SCN8A: variants seen among roughly 807,000 people sequenced by gnomAD.
SCN8A encodes the protein sodium channel protein type 8 subunit alpha.
Under a neutral mutation model 184.1 loss-of-function variants are expected in SCN8A, and 30 were observed. The ratio of observed to expected loss-of-function variants is 0.16; its 90% CI spans 0.12 to 0.22. The LOEUF is 0.22. Ranked by LOEUF, SCN8A falls within the 10% of genes least tolerant of loss-of-function variation. SCN8A has a pLI of 1.00. For synonymous variants in SCN8A, 852 were observed against 907.0 expected, an observed-to-expected ratio of 0.94 and a Z score of 1.09; for missense variants, 1,057 against 2,498.9, an observed-to-expected ratio of 0.42 and a Z score of 12.30.
chr12:51,796,095 C>T (rs1592168238), intron 26 of SCN8A, among the ~76,000 whole-genome samples: 1 of 151,964 alleles, frequency 6.6e-6, no homozygotes, highest in Non-Finnish European at 1.5e-5. Context: ...CTTTATTAGA[C>T]CAGTTTCCTT....
chr12:51,607,340 G>A (rs907062208), intron 1 of SCN8A, among the ~76,000 whole-genome samples: 1 of 152,182 alleles, frequency 6.6e-6, no homozygotes, highest in African/African-American at 2.4e-5. Flanking sequence ...AGTCTTTAGG[G>A]TTTTCAAGGT....
chr12:51,693,941 A>G (rs528563074), intron 6 of SCN8A, among the ~76,000 whole-genome samples: 5 of 152,284 alleles, frequency 3.3e-5, no homozygotes, highest in African/African-American at 1.2e-4. Context: ...TTATACATAT[A>G]TATTTTTTGA....
At chr12:51,752,127 A>G (rs1255013408) in intron 14 of SCN8A, among the ~76,000 whole-genome samples, 5 of 152,172 alleles carry the variant, frequency 3.3e-5, no homozygotes, top group Admixed American at 3.3e-4. Context: ...CTAGGCCATT[A>G]AAGTATGTAG....
chr12:51,711,252 C>G (rs1941870874), intron 11 of SCN8A, among the ~76,000 whole-genome samples: 1 of 152,190 alleles, frequency 6.6e-6, no homozygotes, highest in African/African-American at 2.4e-5. Context: ...ACACTGATTG[C>G]TCCTTAACTC....
intron 1 of SCN8A, among the ~76,000 whole-genome samples, chr12:51,625,614 A>G (rs988318673): frequency 5.3e-5 from 8 of 152,072 alleles, no homozygotes; most frequent in Non-Finnish European, 1.0e-4. Context: ...GAGTTTAATC[A>G]CCCCTCCCCC....
chr12:51,656,627 C>T (rs997870973), intron 1 of SCN8A, among the ~76,000 whole-genome samples: 2 of 152,094 alleles, frequency 1.3e-5, no homozygotes, highest in Non-Finnish European at 2.9e-5. Flanking sequence ...TGAGCAAAGA[C>T]TTAAATCAGC....
At chr12:51,724,713 A>G (rs981926828) in intron 12 of SCN8A, among the ~76,000 whole-genome samples, 1 of 152,228 alleles carries the variant, frequency 6.6e-6, no homozygotes, top group African/African-American at 2.4e-5. Flanking sequence ...TTGAATTTTG[A>G]TATACTGGCA....
chr12:51,728,730 C>T (rs980896167), intron 12 of SCN8A, among the ~76,000 whole-genome samples: 1 of 46,726 alleles, frequency 2.1e-5, no homozygotes, highest in African/African-American at 5.1e-5. Flanking sequence ...ACCCTGTTTC[C>T]CAAAAAAAAA....
intron 1 of SCN8A, among the ~76,000 whole-genome samples, chr12:51,641,003 TAATAC>T (rs1940440155): frequency 6.6e-6 from 1 of 152,224 alleles, no homozygotes; most frequent in African/African-American, 2.4e-5. Flanking sequence ...TAAGTTTTGT[TAATAC>T]AATACAAGTG....
At chr12:51,706,318 C>T (rs1377965002) in intron 10 of SCN8A, 104 bp from the exon 11 acceptor site, 3 of 1,155,512 alleles carry the variant, frequency 2.6e-6, no homozygotes, top group South Asian at 2.4e-5. Context: ...TCCTTTTTTC[C>T]TCCTTTCCCT....
chr12:51,679,619 G>T (rs1941290702), intron 2 of SCN8A, among the ~76,000 whole-genome samples: 1 of 151,660 alleles, frequency 6.6e-6, no homozygotes, highest in Admixed American at 6.6e-5. Flanking sequence ...CTGGTGCCGG[G>T]TATATTACTT....
intron 1 of SCN8A, among the ~76,000 whole-genome samples, chr12:51,594,323 C>T (rs907560249): frequency 2.6e-5 from 4 of 152,076 alleles, no homozygotes; most frequent in East Asian, 1.9e-4. Flanking sequence ...GGAGCTATAT[C>T]GGGGTAAATG....
At chr12:51,663,217 C>G in intron 2 of SCN8A, 124 bp downstream of exon 2, 12 of 1,164,210 alleles carry the variant, frequency 1.0e-5, no homozygotes, top group Non-Finnish European at 1.5e-5. Context: ...TGTTTCAGTT[C>G]TGGCTTGTGG....
At chr12:51,736,957 A>G (rs1005750643) in intron 12 of SCN8A, among the ~76,000 whole-genome samples, 1 of 152,246 alleles carries the variant, frequency 6.6e-6, no homozygotes, top group African/African-American at 2.4e-5. Flanking sequence ...ATCTGTAAAA[A>G]CATTCTCAAC....
chr12:51,648,161 C>G (rs1235407239), intron 1 of SCN8A, among the ~76,000 whole-genome samples: 2 of 152,070 alleles, frequency 1.3e-5, no homozygotes, highest in Non-Finnish European at 2.9e-5. Flanking sequence ...CCTTTAGATG[C>G]TTTTACATTC....
chr12:51,631,969 C>G (rs188306852), intron 1 of SCN8A, among the ~76,000 whole-genome samples: 4 of 152,206 alleles, frequency 2.6e-5, no homozygotes, highest in African/African-American at 4.8e-5. Flanking sequence ...TACATCCCCC[C>G]ACTCCCCTGT....
intron 19 of SCN8A, among the ~76,000 whole-genome samples, chr12:51,772,824 C>CA (rs554840715): frequency 5.5e-5 from 8 of 144,260 alleles, no homozygotes; most frequent in South Asian, 2.2e-4. Context: ...ACTAAAAATA[C>CA]AAAAAAAATT....
chr12:51,792,317 C>CA lies in SCN8A; in HGVS notation c.4524+1832dup, dbSNP rs71092722. On this transcript the variant is annotated intron_variant, in intron 25 of 26. Transcript: ENST00000627620. ...GCAACACAGTGAAACCCCATCTGTA[C>CA]AAAAAAAAAAAAAAAAATTAGCCGA... 9.1e-3 allele frequency among the ~76,000 whole-genome samples: 773 copies of CA among 84,824 alleles called. 9 individuals are homozygous for CA. The highest frequency in any genetic ancestry group is 0.036 in the African/African-American group (624 of 17,456). The allele number at this position is 84,824 out of a possible 152,430, so 55.6% of individuals were successfully genotyped here.
At chr12:51,635,931 GCCC>G (rs1462553619) in intron 1 of SCN8A, among the ~76,000 whole-genome samples, 2 of 152,144 alleles carry the variant, frequency 1.3e-5, no homozygotes, top group Non-Finnish European at 2.9e-5. Context: ...CAACCCAGAA[GCCC>G]ACCCAACTTC....
Sources: allele counts gnomAD v4.1 joint callset (sites outside exome capture counted in the v4.1 genomes callset), GRCh38; gene constraint gnomAD v4.1.1; transcripts MANE v1.5; gene names NCBI Gene and HGNC (gene_info 2026-07-23, HGNC 2026-07-21).